AKR1E2: variants seen among roughly 807,000 people sequenced by gnomAD.
The protein encoded by AKR1E2 is 1,5-anhydro-D-fructose reductase.
AKR1E2 carries 43 observed loss-of-function variants against 41.9 expected under a neutral mutation model. That is an observed-to-expected ratio of 1.03 (90% confidence interval 0.80 to 1.32). The LOEUF is 1.32. AKR1E2 is among the 40% of genes most tolerant of loss of function. The pLI is 0.00. For missense variants in AKR1E2, 423 were observed against 396.5 expected (o/e 1.07, Z -0.57); for synonymous variants, 121 against 138.9 (o/e 0.87, Z 0.91).
chr10:4,850,276 C>T (rs570683664), downstream of AKR1E2, among the ~76,000 whole-genome samples: 3 of 152,214 alleles, frequency 2.0e-5, no homozygotes, highest in Admixed American at 6.5e-5. Context: ...TCTCTCCTGA[C>T]TTTAAGACTG....
At chr10:4,859,329 A>G in the AKR1E2 span, among the ~76,000 whole-genome samples, 2 of 152,326 alleles carry the variant, frequency 1.3e-5, no homozygotes, top group Non-Finnish European at 2.9e-5. Context: ...GGAAAATGAA[A>G]CGTTGAGTGT....
chr10:4,868,952 G>T, the AKR1E2 span, among the ~76,000 whole-genome samples: 1 of 151,824 alleles, frequency 6.6e-6, no homozygotes, highest in Admixed American at 6.6e-5. Flanking sequence ...TTTTGTTGAG[G>T]ATGTTCACAT....
chr10:4,854,087 T>TG, the AKR1E2 span, among the ~76,000 whole-genome samples: 2 of 71,172 alleles, frequency 2.8e-5, no homozygotes, highest in African/African-American at 1.1e-4. Context: ...CCTTTACTGT[T>TG]TTTTTTTTTT....
the AKR1E2 span, among the ~76,000 whole-genome samples, chr10:4,854,891 G>C: frequency 2.0e-5 from 3 of 152,178 alleles, no homozygotes; most frequent in African/African-American, 7.2e-5. Context: ...TTTCGGCTAA[G>C]AATGGGTTTG....
At chr10:4,861,482 TGCCTTA>T in the AKR1E2 span, among the ~76,000 whole-genome samples, 1 of 152,068 alleles carries the variant, frequency 6.6e-6, no homozygotes, top group South Asian at 2.1e-4. Context: ...GCGATTCTTG[TGCCTTA>T]GCCTACCAAG....
chr10:4,849,170 A>G (rs966951268), downstream of AKR1E2, among the ~76,000 whole-genome samples: 2 of 152,198 alleles, frequency 1.3e-5, no homozygotes, highest in South Asian at 2.1e-4. Context: ...TCATGGTTTG[A>G]CCAAATTTCC....
At chr10:4,870,407 C>T in the AKR1E2 span, among the ~76,000 whole-genome samples, 1 of 151,960 alleles carries the variant, frequency 6.6e-6, no homozygotes, top group Non-Finnish European at 1.5e-5. Flanking sequence ...CCTGATGTTA[C>T]AAGGTTCTAT....
the AKR1E2 span, among the ~76,000 whole-genome samples, chr10:4,854,486 T>C: frequency 6.6e-6 from 1 of 152,130 alleles, no homozygotes; most frequent in Non-Finnish European, 1.5e-5. Flanking sequence ...TCTCTTGGGG[T>C]CTTCTTCCAG....
downstream of AKR1E2, among the ~76,000 whole-genome samples, chr10:4,848,745 C>T (rs550383195): frequency 6.6e-6 from 1 of 152,246 alleles, no homozygotes; most frequent in South Asian, 2.1e-4. Flanking sequence ...TTCCCATTTT[C>T]ACTCTATCAC....
At chr10:4,844,398 A>C (rs1161121060) in intron 8 of AKR1E2, among the ~76,000 whole-genome samples, 1 of 152,218 alleles carries the variant, frequency 6.6e-6, no homozygotes, top group Non-Finnish European at 1.5e-5. Flanking sequence ...AGCAAGATCT[A>C]TTGCAAAGAC....
the AKR1E2 span, among the ~76,000 whole-genome samples, chr10:4,864,148 G>A: frequency 0.42 from 63,602 of 151,844 alleles, 15,035 homozygotes; most frequent in East Asian, 0.73. Flanking sequence ...GCCTGGCAGA[G>A]ACACAACAAA....
At chr10:4,853,459 C>A in the AKR1E2 span, among the ~76,000 whole-genome samples, 4 of 88,572 alleles carry the variant, frequency 4.5e-5, no homozygotes, top group Non-Finnish European at 5.3e-5. Context: ...AAAAAAAAAA[C>A]CAAACTCTGT....
chr10:4,832,524 T>G (rs1833050226), intron 2 of AKR1E2, among the ~76,000 whole-genome samples: 2 of 152,278 alleles, frequency 1.3e-5, no homozygotes, highest in Middle Eastern at 3.4e-3. Flanking sequence ...TGGATCGTAG[T>G]CAGCAGTGGA....
rs549910173 is a variant in AKR1E2, at chr10:4,839,075, C to T, written c.583-654C>T. On this transcript the variant is annotated intron_variant, in intron 5 of 9. Transcript: ENST00000298375. The stretch of plus-strand genomic sequence containing the variant: ...CACTAAATAACTATTTATTTTAAAT[C>T]TCCTTATAACCTGGAATTATATGTG... Among the ~76,000 whole-genome samples the T allele has an allele frequency of 7.2e-5, 11 of 152,302 alleles. No individual in the cohort carries two copies. The South Asian group carries it at 2.3e-3, about 32-fold the overall frequency.
At chr10:4,866,665 TGGA>T in the AKR1E2 span, among the ~76,000 whole-genome samples, 9 of 136,204 alleles carry the variant, frequency 6.6e-5, no homozygotes, top group African/African-American at 2.4e-4. Context: ...TTTTTTGAGA[TGGA>T]GTCTCGCTGT....
intron 1 of AKR1E2, among the ~76,000 whole-genome samples, chr10:4,830,459 G>GT (rs3833732): frequency 1.1e-4 from 17 of 151,076 alleles, no homozygotes; most frequent in Admixed American, 3.3e-4. Flanking sequence ...ATAACCTATA[G>GT]TTTTTTTTTC....
At chr10:4,870,438 G>GT in the AKR1E2 span, among the ~76,000 whole-genome samples, 26 of 150,638 alleles carry the variant, frequency 1.7e-4, no homozygotes, top group Non-Finnish European at 2.5e-4. Context: ...TTTTCTTTCT[G>GT]TTTAGAGAAC....
At chr10:4,825,164 G>T, upstream of AKR1E2, 1 of 355,336 alleles carries the variant, frequency 2.8e-6, no homozygotes, top group Non-Finnish European at 6.0e-6. Context: ...GTGGGAGGCA[G>T]GGGGACACCC....
At chr10:4,826,709 C>A (rs538031210) in intron 1 of AKR1E2, among the ~76,000 whole-genome samples, 138 of 152,218 alleles carry the variant, frequency 9.1e-4, no homozygotes, top group African/African-American at 2.9e-3. Context: ...GCGGGGATGC[C>A]GAGGGGAGGC....
Sources: allele counts gnomAD v4.1 joint callset (sites outside exome capture counted in the v4.1 genomes callset), GRCh38; gene constraint gnomAD v4.1.1; transcripts MANE v1.5; gene names NCBI Gene and HGNC (gene_info 2026-07-23, HGNC 2026-07-21).